The following ITGA4 variants were observed in gnomAD, a reference collection of about 807,000 sequenced individuals.
ITGA4 encodes integrin subunit alpha 4.
Under a neutral mutation model 133.6 loss-of-function variants are expected in ITGA4, and 63 were observed. That is an observed-to-expected ratio of 0.47 (90% CI 0.38 to 0.58). ITGA4 has a LOEUF of 0.58. ITGA4 is among the 20% of genes least tolerant of loss of function. ITGA4 has a pLI of 0.00. For missense variants in ITGA4, 1,076 were observed against 1,252.7 expected (o/e 0.86, Z 2.13); for synonymous variants, 483 against 438.0 (o/e 1.10, Z -1.28).
At position 181,457,524 on chromosome 2, in the gene ITGA4, C is replaced by T. The variant is rs1355801836; in HGVS notation, c.-131C>T. On this transcript the variant is annotated 5_prime_UTR_variant, in exon 1 of 28. Coordinates refer to ENST00000397033, the MANE Select transcript of ITGA4 (RefSeq NM_000885.6). ...TCCCCTCCTCTTCCCTCTCTCCTTC[C>T]TTTAGCCCGCTGGCGCCGGACACGC... is the stretch of plus-strand genomic sequence containing the variant. The T allele has an allele frequency of 3.4e-6, 3 of 879,452 alleles. No homozygotes were observed. Among genetic ancestry groups the T allele is most frequent in the Non-Finnish European group, 5.1e-6 (3 of 585,420 alleles). 54.5% of individuals were successfully genotyped at this position (879,452 alleles called of 1,614,324 possible).
At chr2:181,496,440 A>G (rs368387950) in intron 14 of ITGA4, among the ~76,000 whole-genome samples, 2 of 152,122 alleles carry the variant, frequency 1.3e-5, no homozygotes, top group Non-Finnish European at 2.9e-5. Context: ...AATAATAACC[A>G]TAAAAATAAA....
At chr2:181,462,223 G>C (rs1685298444) in intron 2 of ITGA4, among the ~76,000 whole-genome samples, 1 of 152,072 alleles carries the variant, frequency 6.6e-6, no homozygotes, top group South Asian at 2.1e-4. Flanking sequence ...TCTAGACTAA[G>C]TGTTCTATAG....
rs79689303 is a variant in ITGA4 at position 181,460,566 on chromosome 2, A to AATGTGTGTGTGTGTGTGTGT, written c.319+2249_319+2250insATGTGTGTGTGTGTGTGTGT. Reference sequence around the variant, plus strand: ...ATATATAAGCCATCTTCTGTAGAAGAGTGTGTGTGTGTGTGTGTGTGTGTG... The same window carrying AATGTGTGTGTGTGTGTGTGT: ...ATATATAAGCCATCTTCTGTAGAAGAATGTGTGTGTGTGTGTGTGTGTGTGTGTGTGTGTGTGTGTGTGTG... On this transcript the variant is annotated intron_variant, in intron 2 of 27. Transcript: ENST00000397033. Among the ~76,000 whole-genome samples, 166 of 148,066 alleles carry AATGTGTGTGTGTGTGTGTGT rather than the reference A, an allele frequency of 1.1e-3. 2 individuals carry two copies. The highest frequency in any genetic ancestry group is 2.9e-3 in the East Asian group (14 of 4,892).
chr2:181,495,395 C>T lies in ITGA4; in HGVS notation c.1364C>T (p.Ser455Phe). ...GATGTAGCAGTTGGTGCTTTTCGGT[C>T]TGATTCTGCTGTCTTGCTAAGGTAA... ...YVDVAVGAFR[S>F]DSAVLLRTRP... Residue 455 changes from serine (S) to phenylalanine (F), a missense_variant, in exon 13 of 28, where the codon TCT becomes TTT. By Grantham distance (155) the Ser-to-Phe change is radical (BLOSUM62 -2). Transcript: ENST00000397033. The surrounding 1 kb of genome is among the most constrained non-coding windows in gnomAD (Gnocchi z 4.3). The T allele has an allele frequency of 6.2e-6, 10 of 1,610,658 alleles. No individual in the cohort carries two copies. The highest frequency in any genetic ancestry group is 8.5e-6 in the Non-Finnish European group (10 of 1,177,078).
intron 17 of ITGA4, among the ~76,000 whole-genome samples, chr2:181,512,829 A>C (rs1046504167): frequency 2.4e-4 from 37 of 152,030 alleles, no homozygotes; most frequent in Admixed American, 1.1e-3. Context: ...AAGAAAGGAG[A>C]GTATACTGGG....
chr2:181,461,337 G>A (rs1685272340), intron 2 of ITGA4, among the ~76,000 whole-genome samples: 1 of 150,882 alleles, frequency 6.6e-6, no homozygotes, highest in African/African-American at 2.4e-5. Flanking sequence ...TATATTGTTG[G>A]CCTCCTTTTA....
chr2:181,487,569 G>T (rs155108), intron 10 of ITGA4, among the ~76,000 whole-genome samples: 1 of 152,060 alleles, frequency 6.6e-6, no homozygotes, highest in African/African-American at 2.4e-5. Context: ...CAGTTTTAAT[G>T]TATAGCAATA....
chr2:181,531,908 T>C (rs1217792937), intron 25 of ITGA4, 132 bp downstream of exon 25: 2 of 552,946 alleles, frequency 3.6e-6, no homozygotes, highest in African/African-American at 3.9e-5. Context: ...AGTAAAACTC[T>C]AAAACTGTAT....
intron 2 of ITGA4, among the ~76,000 whole-genome samples, chr2:181,468,575 C>G (rs1005442826): frequency 1.3e-5 from 2 of 152,042 alleles, no homozygotes; most frequent in African/African-American, 4.8e-5. Context: ...CCCTGTCACA[C>G]TTGGAGCAAT....
At position 181,516,906 on chromosome 2, in the gene ITGA4, CACTG is replaced by C; in HGVS notation, c.1922+5134_1922+5137del. Reference sequence around the variant, plus strand: ...ATGGAAATAGTACGAATATTTGGCTCACTGACAGCATAAAGTTTTGGGAGAATGA... The same window carrying C: ...ATGGAAATAGTACGAATATTTGGCTCACAGCATAAAGTTTTGGGAGAATGA... On this transcript the variant is annotated intron_variant, in intron 17 of 27. Transcript: ENST00000397033. This position sits in a 1 kb window ranked among gnomAD's most constrained non-coding sequence, Gnocchi z 4.0. Among the ~76,000 whole-genome samples, 1 of 152,040 alleles carries C rather than the reference CACTG, an allele frequency of 6.6e-6. No homozygotes were observed. The highest frequency in any genetic ancestry group is 2.1e-4 in the South Asian group (1 of 4,818).
chr2:181,477,293 A>G (rs1329812487), intron 4 of ITGA4, among the ~76,000 whole-genome samples: 1 of 152,168 alleles, frequency 6.6e-6, no homozygotes, highest in African/African-American at 2.4e-5. Context: ...AAGCTACTTG[A>G]CATTAGTCTA....
chr2:181,534,215 T>C (rs1687004117), intron 25 of ITGA4, 57 bp from the exon 26 acceptor site: 5 of 1,061,380 alleles, frequency 4.7e-6, no homozygotes, highest in South Asian at 1.4e-5. Flanking sequence ...AAGATCCTGA[T>C]AAATTATGTC....
Position 181,538,212 on chromosome 2 carries a change from C to G in ITGA4, c.*2685C>G. The stretch of plus-strand genomic sequence containing the variant: ...CTTTGGAATCATTTCTTCCATGCTT[C>G]CTCCATAAAGACTGATAAGTCTTGG... On this transcript the variant is annotated 3_prime_UTR_variant, in exon 28 of 28. Transcript: ENST00000397033. 6.3e-7 allele frequency: 1 copy of G among 1,587,402 alleles called. No individual in the cohort carries two copies. The highest frequency in any genetic ancestry group is 8.6e-7 in the Non-Finnish European group (1 of 1,156,796).
intron 17 of ITGA4, among the ~76,000 whole-genome samples, chr2:181,514,335 G>A (rs1391479643): frequency 1.3e-5 from 2 of 152,104 alleles, no homozygotes; most frequent in African/African-American, 4.8e-5. Context: ...GTACCCTACT[G>A]TGGTAGGATC....
intron 14 of ITGA4, among the ~76,000 whole-genome samples, chr2:181,497,995 G>A (rs544961079): frequency 9.2e-5 from 14 of 151,448 alleles, no homozygotes; most frequent in Non-Finnish European, 2.1e-4. Flanking sequence ...TTTAAAAATT[G>A]CACAAATTAA....
intron 17 of ITGA4, among the ~76,000 whole-genome samples, chr2:181,515,958 A>C (rs942529824): frequency 6.6e-6 from 1 of 151,940 alleles, no homozygotes; most frequent in Non-Finnish European, 1.5e-5. Flanking sequence ...GAAGACTGCA[A>C]TAATAAACTG....
intron 2 of ITGA4, among the ~76,000 whole-genome samples, chr2:181,461,266 G>T (rs1265700155): frequency 6.7e-6 from 1 of 149,778 alleles, no homozygotes; most frequent in East Asian, 2.0e-4. Context: ...CAAGTTGACT[G>T]CAGAGCCAGC....
At position 181,487,625 on chromosome 2, in the gene ITGA4, A is replaced by T. The variant is rs1317133895; in HGVS notation, c.1153+1633A>T. 2.0e-5 allele frequency among the ~76,000 whole-genome samples: 3 copies of T among 152,366 alleles called. No homozygotes were observed. The East Asian group carries it at 5.8e-4, about 29-fold the overall frequency. On this transcript the variant is annotated intron_variant, in intron 10 of 27. Transcript: ENST00000397033. ...TACAAGCCTGGTTTGATTAAAAACAAAAAATAAAATGTTATTATGCTTGAT... is the reference window on the plus strand; with the variant it reads ...TACAAGCCTGGTTTGATTAAAAACATAAAATAAAATGTTATTATGCTTGAT...
chr2:181,464,890 A>G (rs576661260), intron 2 of ITGA4, among the ~76,000 whole-genome samples: 1 of 152,260 alleles, frequency 6.6e-6, no homozygotes, highest in South Asian at 2.1e-4. Context: ...CATACAGGTG[A>G]CAGGTCTGGG....
Sources: gnomAD v4.1 joint callset for allele counts (sites outside exome capture counted in the v4.1 genomes callset) on GRCh38, gnomAD v4.1.1 for gene constraint, Gnocchi (gnomAD v3.1) non-coding constraint, MANE v1.5 for transcripts, NCBI Gene and HGNC (gene_info 2026-07-23, HGNC 2026-07-21) for gene names.